MAF: variants seen among roughly 807,000 people sequenced by gnomAD.
MAF encodes MAF bZIP transcription factor, also known as transcription factor Maf.
MAF carries 10 observed loss-of-function variants against 22.0 expected under a neutral mutation model. That is an observed-to-expected ratio of 0.45 (90% CI 0.28 to 0.77). MAF has a LOEUF of 0.77. Among genes scored for constraint, MAF ranks in the 30% least tolerant of loss-of-function variants. The pLI is 0.12. For synonymous variants in MAF, 337 were observed against 255.8 expected (o/e 1.32, Z -3.03); for missense variants, 544 against 548.4 (o/e 0.99, Z 0.08).
At chr16:79,379,501 G>GCACA in the MAF span, among the ~76,000 whole-genome samples, 2,833 of 149,742 alleles carry the variant, frequency 0.019, 43 homozygotes, top group South Asian at 0.039. Context: ...TGGTGGAAGT[G>GCACA]CACACACACA....
chr16:79,424,672 C>A, the MAF span, among the ~76,000 whole-genome samples: 6 of 152,158 alleles, frequency 3.9e-5, no homozygotes, highest in Admixed American at 1.3e-4. Context: ...CTGGATCCTA[C>A]CAACCTCCAG....
At chr16:79,586,123 G>T (rs894094982) in intron 1 of MAF, among the ~76,000 whole-genome samples, 4 of 152,152 alleles carry the variant, frequency 2.6e-5, no homozygotes, top group African/African-American at 9.7e-5. Flanking sequence ...GCCAGAGGAG[G>T]GGTTGACGTG....
chr16:79,215,887 G>C, the MAF span, among the ~76,000 whole-genome samples: 1 of 152,130 alleles, frequency 6.6e-6, no homozygotes, highest in Non-Finnish European at 1.5e-5. Flanking sequence ...AAGATGAACT[G>C]AGGCCCCGTA....
At chr16:79,353,042 T>C in the MAF span, among the ~76,000 whole-genome samples, 4 of 151,668 alleles carry the variant, frequency 2.6e-5, no homozygotes, top group South Asian at 2.1e-4. Flanking sequence ...CAGTGATAGA[T>C]AGAGATGCCA....
At chr16:79,549,374 T>C in the MAF span, among the ~76,000 whole-genome samples, 1 of 152,198 alleles carries the variant, frequency 6.6e-6, no homozygotes, top group Non-Finnish European at 1.5e-5. Flanking sequence ...CACTCCAGGC[T>C]GGGATAGAAC....
intron 1 of MAF, chr16:79,586,011 A>C: frequency 1.6e-6 from 1 of 639,012 alleles, no homozygotes; most frequent in South Asian, 1.8e-5. Flanking sequence ...CAAGAACAGT[A>C]TGCTACAGGC....
the MAF span, among the ~76,000 whole-genome samples, chr16:79,362,297 G>C: frequency 6.6e-6 from 1 of 152,200 alleles, no homozygotes; most frequent in African/African-American, 2.4e-5. Flanking sequence ...TGCAGCATCT[G>C]ATGACTATGC....
At position 79,599,492 on chromosome 16, in the gene MAF, C is replaced by G. The variant is rs1262729919; in HGVS notation, c.411G>C (p.Gln137His). The change falls in exon 1 of 2, where the codon CAG becomes CAC. Residue 137 changes from glutamine to histidine, a missense_variant. By Grantham distance (24) the Gln-to-His change is conservative (BLOSUM62 0). Transcript: ENST00000326043. The stretch of plus-strand genomic sequence containing the variant: ...CACCGGCCCCGGCCGCCGCGGCCAG[C>G]TGCTGCGCCCCGCGCGCGTAGCCAT... ...GFDGYARGAQ[Q>H]LAAAAGAGAG... 1 of 1,465,158 alleles carries G rather than the reference C, an allele frequency of 6.8e-7. No individual in the cohort carries two copies. The highest frequency in any genetic ancestry group is 9.0e-7 in the Non-Finnish European group (1 of 1,114,684). 90.8% of individuals were successfully genotyped at this position (1,465,158 alleles called of 1,614,324 possible).
chr16:79,594,503 C>G lies in MAF; in HGVS notation c.1169G>C (p.Trp390Ser). The G allele has an allele frequency of 1.3e-6, 2 of 1,567,404 alleles. No individual in the cohort carries two copies. Among genetic ancestry groups the G allele is most frequent in the Non-Finnish European group, 1.7e-6 (2 of 1,153,330 alleles). ...GGTAAGTACACGATGCTGGGGCTTC[C>G]AAAATGTGGCGTATCCCACTGATGG... ...LEPSVGYATF[W>S]KPQHRVLTSV... Residue 390 changes from tryptophan (W) to serine (S), a missense_variant, in exon 2 of 2, where the codon TGG becomes TCG. Transcript: ENST00000326043.
the MAF span, among the ~76,000 whole-genome samples, chr16:79,530,958 C>CA: frequency 6.6e-6 from 1 of 152,108 alleles, no homozygotes; most frequent in African/African-American, 2.4e-5. Context: ...GGGAGAGGCC[C>CA]AAAGGGAAGG....
At chr16:79,585,029 T>C (rs1271139137), downstream of MAF, among the ~76,000 whole-genome samples, 1 of 152,178 alleles carries the variant, frequency 6.6e-6, no homozygotes, top group Admixed American at 6.5e-5. Flanking sequence ...AAAAAATATA[T>C]TTCATGCAAA....
chr16:79,450,736 G>T, the MAF span, among the ~76,000 whole-genome samples: 1 of 152,060 alleles, frequency 6.6e-6, no homozygotes, highest in Admixed American at 6.5e-5. Flanking sequence ...GAGATGGAGA[G>T]TAATCAGAAT....
At chr16:79,409,191 A>G in the MAF span, among the ~76,000 whole-genome samples, 1 of 152,196 alleles carries the variant, frequency 6.6e-6, no homozygotes, top group African/African-American at 2.4e-5. Context: ...TTGGGCTTGT[A>G]TTCTAGGGAT....
chr16:79,570,851 C>T, the MAF span, among the ~76,000 whole-genome samples: 8 of 152,162 alleles, frequency 5.3e-5, no homozygotes, highest in African/African-American at 1.2e-4. Flanking sequence ...ATGTTCTGTG[C>T]GAGTTTCTGT....
At chr16:79,276,036 G>T in the MAF span, among the ~76,000 whole-genome samples, 1 of 152,124 alleles carries the variant, frequency 6.6e-6, no homozygotes, top group African/African-American at 2.4e-5. Flanking sequence ...ACCTACTCGG[G>T]AGGCTGAGGT....
chr16:79,339,162 C>T, the MAF span, among the ~76,000 whole-genome samples: 18 of 152,272 alleles, frequency 1.2e-4, no homozygotes, highest in South Asian at 2.1e-3. Context: ...CTCCGCCTCC[C>T]GGGTTCACGC....
At chr16:79,255,462 C>T in the MAF span, among the ~76,000 whole-genome samples, 6 of 152,190 alleles carry the variant, frequency 3.9e-5, no homozygotes, top group African/African-American at 1.4e-4. Flanking sequence ...AAAACTGGAT[C>T]CATCTAGAAA....
chr16:79,445,194 C>G, the MAF span, among the ~76,000 whole-genome samples: 1 of 133,936 alleles, frequency 7.5e-6, no homozygotes, highest in Non-Finnish European at 1.6e-5. Flanking sequence ...CCACCATACC[C>G]GTCTAATTTT....
the MAF span, among the ~76,000 whole-genome samples, chr16:79,498,600 TGAGA>T: frequency 6.6e-6 from 1 of 152,134 alleles, no homozygotes; most frequent in Non-Finnish European, 1.5e-5. Flanking sequence ...ACCAGCTCCT[TGAGA>T]TGGAGGCTAT....
Sources: allele counts gnomAD v4.1 joint callset (sites outside exome capture counted in the v4.1 genomes callset), GRCh38; gene constraint gnomAD v4.1.1; transcripts MANE v1.5; gene names NCBI Gene and HGNC (gene_info 2026-07-23, HGNC 2026-07-21).